The following MGST1 variants were observed in gnomAD, a reference collection of about 807,000 sequenced individuals.
MGST1 encodes glutathione S-transferase 12.
In MGST1, 5 loss-of-function variants were observed where a neutral mutation model predicts 8.9. The ratio of observed to expected loss-of-function variants is 0.56; its 90% CI spans 0.29 to 1.19. MGST1 has a LOEUF of 1.19. MGST1 is among the 50% of genes most tolerant of loss of function. MGST1 has a pLI of 0.08. For missense variants in MGST1, 182 were observed against 187.4 expected, an observed-to-expected ratio of 0.97 and a Z score of 0.17; for synonymous variants, 54 against 67.8, an observed-to-expected ratio of 0.80 and a Z score of 1.00.
At chr12:16,365,727 A>ACGCACGCG (rs1275411404), downstream of MGST1, among the ~76,000 whole-genome samples, 104 of 128,876 alleles carry the variant, frequency 8.1e-4, no homozygotes, top group African/African-American at 3.1e-3. Flanking sequence ...GTGCATGAAC[A>ACGCACGCG]TGCACGCGTG....
At chr12:16,351,536 A>C (rs1939465736) in intron 1 of MGST1, among the ~76,000 whole-genome samples, 1 of 152,082 alleles carries the variant, frequency 6.6e-6, no homozygotes, top group Non-Finnish European at 1.5e-5. Flanking sequence ...GGGGCCAGGC[A>C]TGGTGGCTCA....
At chr12:16,454,872 CAAAAAAAAAAA>C (rs1775642146) in intron 4 of MGST1, among the ~76,000 whole-genome samples, 1 of 10,398 alleles carries the variant, frequency 9.6e-5, no homozygotes, top group South Asian at 0.012. Flanking sequence ...TTAAGTAGAC[CAAAAAAAAAAA>C]AAAAAAAAAA....
downstream of MGST1, chr12:16,377,318 C>T (rs1940398221): frequency 7.8e-6 from 1 of 128,578 alleles, no homozygotes; most frequent in Non-Finnish European, 1.6e-5. Context: ...CGCAACGGTC[C>T]CCAGTGTGTG....
rs975016299 is a variant in MGST1 at position 16,401,007 on chromosome 12, T to C, written n.778+17403T>C. 18 of 1,542,462 alleles carry C rather than the reference T, an allele frequency of 1.2e-5. No individual in the cohort carries two copies. In the African/African-American group the frequency reaches 2.3e-4, roughly 20 times the overall value. ...AGTTCTTTTTGATGTGCTCTTCACT[T>C]CTCTTCTGCAGTCATTTCATTCCTG... On this transcript the variant is annotated intron_variant and non_coding_transcript_variant, in intron 1 of 1. Transcript: ENST00000359720. This position sits in a 1 kb window ranked among gnomAD's most constrained non-coding sequence, Gnocchi z 4.3.
At chr12:16,536,080 T>TGA (rs371891268) in intron 4 of MGST1, among the ~76,000 whole-genome samples, 1 of 92,364 alleles carries the variant, frequency 1.1e-5, no homozygotes, top group African/African-American at 3.2e-5. Context: ...TTGGTGTGTG[T>TGA]GAGTGTGTGT....
intron 4 of MGST1, among the ~76,000 whole-genome samples, chr12:16,472,312 A>G (rs1941293983): frequency 6.6e-6 from 1 of 152,156 alleles, no homozygotes; most frequent in Admixed American, 6.5e-5. Flanking sequence ...AAGTACCACT[A>G]CTGGTGTGAT....
At chr12:16,450,158 G>A (rs186514730) in intron 4 of MGST1, among the ~76,000 whole-genome samples, 1 of 152,028 alleles carries the variant, frequency 6.6e-6, no homozygotes, top group East Asian at 1.9e-4. Flanking sequence ...TTTATCCTGT[G>A]TATGACACTT....
Position 16,361,114 on chromosome 12 carries a change from G to T in MGST1, c.222-2681G>T, listed in dbSNP as rs986238892. 1.3e-5 allele frequency among the ~76,000 whole-genome samples: 2 copies of T among 151,950 alleles called. No individual in the cohort carries two copies. The highest frequency in any genetic ancestry group is 4.8e-5 in the African/African-American group (2 of 41,336). On this transcript the variant is annotated intron_variant, in intron 3 of 3. Transcript: ENST00000396210. The surrounding 1 kb of genome is among the most constrained non-coding windows in gnomAD (Gnocchi z 4.2). ...GAGTATTAGGATTTGAAAGGAGAAA[G>T]AGGAGAGAAGTCTCATCAATTTGGG...
intron 1 of MGST1, among the ~76,000 whole-genome samples, chr12:16,351,024 C>T (rs1287487785): frequency 2.6e-5 from 4 of 152,068 alleles, no homozygotes; most frequent in African/African-American, 9.7e-5. Flanking sequence ...TCTTTCAATA[C>T]TGATTTTCAA....
At chr12:16,554,397 A>ATACTT (rs1324736718) in intron 4 of MGST1, among the ~76,000 whole-genome samples, 2 of 152,160 alleles carry the variant, frequency 1.3e-5, no homozygotes, top group African/African-American at 2.4e-5. Flanking sequence ...TCTAGTGTCT[A>ATACTT]TACTTTCCTA....
At position 16,564,168 on chromosome 12, in the gene MGST1, T is replaced by C. The variant is rs543363127; in HGVS notation, n.483-25360T>C. Among the ~76,000 whole-genome samples, 16 of 152,300 alleles carry C rather than the reference T, an allele frequency of 1.1e-4. No individual in the cohort carries two copies. The East Asian group carries it at 2.1e-3, about 20-fold the overall frequency. On this transcript the variant is annotated intron_variant and non_coding_transcript_variant, in intron 4 of 4. Coordinates refer to the MGST1 transcript ENST00000538857. ...TTGTCTATCTAAAAACAGACATGAA[T>C]ATAAAAATCAAACAGACAACTTTCT...
At chr12:16,433,639 C>T (rs1433995651) in intron 1 of MGST1, among the ~76,000 whole-genome samples, 1 of 152,092 alleles carries the variant, frequency 6.6e-6, no homozygotes, top group Non-Finnish European at 1.5e-5. Flanking sequence ...TCAGTCAATA[C>T]ACTTAAATAT....
At chr12:16,465,592 A>G (rs1175185214) in intron 4 of MGST1, among the ~76,000 whole-genome samples, 1 of 152,140 alleles carries the variant, frequency 6.6e-6, no homozygotes, top group East Asian at 1.9e-4. Context: ...GCTCCTTATA[A>G]TAATCTAATG....
chr12:16,449,457 G>A (rs1462914012), intron 4 of MGST1, among the ~76,000 whole-genome samples: 1 of 151,744 alleles, frequency 6.6e-6, no homozygotes, highest in Non-Finnish European at 1.5e-5. Flanking sequence ...TTTAAGACAG[G>A]ACCCCCACTC....
rs1943297858 is a variant in MGST1, at chr12:16,585,724, G to T, written n.483-3804G>T. ...GTAAGCAGCTCCAAATATAATAATA[G>T]AAAGGAAAATATGGGTGAGAAATTA... On this transcript the variant is annotated intron_variant and non_coding_transcript_variant, in intron 4 of 4. Transcript: ENST00000538857. This position sits in a 1 kb window ranked among gnomAD's most constrained non-coding sequence, Gnocchi z 4.7. Among the ~76,000 whole-genome samples, 1 of 152,100 alleles carries T rather than the reference G, an allele frequency of 6.6e-6. No homozygotes were observed. The highest frequency in any genetic ancestry group is 2.4e-5 in the African/African-American group (1 of 41,426).
chr12:16,481,248 A>G (rs558584246), intron 4 of MGST1, among the ~76,000 whole-genome samples: 1 of 152,362 alleles, frequency 6.6e-6, no homozygotes, highest in East Asian at 1.9e-4. Flanking sequence ...TCCCAAGCCA[A>G]GATATGCAAT....
intron 4 of MGST1, among the ~76,000 whole-genome samples, chr12:16,490,725 T>C (rs1228891633): frequency 2.0e-5 from 3 of 152,294 alleles, no homozygotes; most frequent in Admixed American, 2.0e-4. Flanking sequence ...GAAGGTCATG[T>C]AAAGAATGGG....
intron 4 of MGST1, among the ~76,000 whole-genome samples, chr12:16,521,879 CATTCCGAGAACACT>C (rs1458895005): frequency 6.6e-6 from 1 of 152,000 alleles, no homozygotes; most frequent in Non-Finnish European, 1.5e-5. Flanking sequence ...GAGTGAAAAC[CATTCCGAGAACACT>C]ATTGTCAAGA....
rs1470881454 is a variant in MGST1, at chr12:16,361,128, C to T, written c.222-2667C>T. Among the ~76,000 whole-genome samples, 1 of 152,124 alleles carries T rather than the reference C, an allele frequency of 6.6e-6. No individual in the cohort carries two copies. The highest frequency in any genetic ancestry group is 1.9e-4 in the East Asian group (1 of 5,178). On this transcript the variant is annotated intron_variant, in intron 3 of 3. Transcript: ENST00000396210. The surrounding 1 kb of genome is among the most constrained non-coding windows in gnomAD (Gnocchi z 4.2). ...GAAAGGAGAAAGAGGAGAGAAGTCT[C>T]ATCAATTTGGGAAAATTCCTTTGTG...
Sources: allele counts gnomAD v4.1 joint callset (sites outside exome capture counted in the v4.1 genomes callset), GRCh38; gene constraint gnomAD v4.1.1; non-coding constraint Gnocchi (gnomAD v3.1); transcripts MANE v1.5; gene names NCBI Gene and HGNC (gene_info 2026-07-23, HGNC 2026-07-21).